EYA1: variants seen among roughly 807,000 people sequenced by gnomAD.
The protein encoded by EYA1 is protein phosphatase EYA1.
Under a neutral mutation model 82.0 loss-of-function variants are expected in EYA1, and 16 were observed. The observed-to-expected ratio is 0.20, with a 90% CI of 0.13 to 0.30. The LOEUF (loss-of-function observed/expected upper bound fraction) is 0.30, where lower values mean the gene tolerates loss of function less well. Among genes scored for constraint, EYA1 ranks in the 10% least tolerant of loss-of-function variants. The pLI is 1.00. For missense variants in EYA1, 633 were observed against 730.7 expected, an observed-to-expected ratio of 0.87 and a Z score of 1.54; for synonymous variants, 261 against 264.4, an observed-to-expected ratio of 0.99 and a Z score of 0.12.
chr8:71,431,475 CT>C (rs1805612046), intron 2 of EYA1, among the ~76,000 whole-genome samples: 1 of 152,294 alleles, frequency 6.6e-6, no homozygotes, highest in African/African-American at 2.4e-5. Flanking sequence ...AGGCATTACT[CT>C]GCCTAGTCCC....
intron 12 of EYA1, among the ~76,000 whole-genome samples, chr8:71,227,620 C>T (rs976914522): frequency 1.3e-5 from 2 of 152,066 alleles, no homozygotes; most frequent in Non-Finnish European, 2.9e-5. Context: ...ATATTTGTTT[C>T]GCTCATATAA....
chr8:71,496,745 T>G (rs569542367), intron 2 of EYA1, among the ~76,000 whole-genome samples: 1 of 152,292 alleles, frequency 6.6e-6, no homozygotes, highest in South Asian at 2.1e-4. Context: ...TGTCTTTACA[T>G]CTTCTACCAT....
intron 2 of EYA1, among the ~76,000 whole-genome samples, chr8:71,479,623 GAAAAAA>G (rs34377404): frequency 0.028 from 2,827 of 100,224 alleles, 95 homozygotes; most frequent in African/African-American, 0.086. Flanking sequence ...CTTTCTTTAT[GAAAAAA>G]AAAAAAAAAA....
At chr8:71,495,590 C>T (rs900100021) in intron 2 of EYA1, among the ~76,000 whole-genome samples, 8 of 151,954 alleles carry the variant, frequency 5.3e-5, no homozygotes, top group South Asian at 2.1e-4. Flanking sequence ...CTAGCCTGGG[C>T]GACAGACCAA....
chr8:71,349,275 C>A (rs901770359), intron 3 of EYA1, among the ~76,000 whole-genome samples: 3 of 152,188 alleles, frequency 2.0e-5, no homozygotes, highest in Non-Finnish European at 2.9e-5. Context: ...AAAGCCTCTG[C>A]CACTGGTTCT....
intron 1 of EYA1, among the ~76,000 whole-genome samples, chr8:71,361,415 T>G (rs191205741): frequency 6.6e-6 from 1 of 152,378 alleles, no homozygotes; most frequent in Non-Finnish European, 1.5e-5. Context: ...TAATTATTTC[T>G]TAATGATCCT....
At chr8:71,467,805 C>T (rs1036980743) in intron 2 of EYA1, among the ~76,000 whole-genome samples, 1 of 152,132 alleles carries the variant, frequency 6.6e-6, no homozygotes, top group African/African-American at 2.4e-5. Flanking sequence ...GATTTTCATA[C>T]ATTAGAACAT....
At chr8:71,405,524 T>C (rs921980807) in intron 2 of EYA1, among the ~76,000 whole-genome samples, 2 of 152,230 alleles carry the variant, frequency 1.3e-5, no homozygotes, top group African/African-American at 2.4e-5. Context: ...GGAAGTTGTT[T>C]ATTATCACTG....
At chr8:71,278,779 A>C (rs1450945126) in intron 9 of EYA1, among the ~76,000 whole-genome samples, 1 of 152,288 alleles carries the variant, frequency 6.6e-6, no homozygotes, top group Middle Eastern at 3.4e-3. Context: ...AAGTGTTCAC[A>C]TTTATTCTAA....
intron 4 of EYA1, 100 bp from the exon 5 acceptor site, chr8:71,322,368 T>G: frequency 9.7e-7 from 1 of 1,035,012 alleles, no homozygotes; most frequent in Middle Eastern, 2.0e-4. Context: ...GTTGGCCATA[T>G]GAAATTTCAG....
intron 3 of EYA1, among the ~76,000 whole-genome samples, chr8:71,348,166 G>A (rs530162880): frequency 1.3e-5 from 2 of 152,264 alleles, no homozygotes; most frequent in South Asian, 4.1e-4. Flanking sequence ...TGAAAGAGAG[G>A]AGAATGAATT....
Position 71,457,140 on chromosome 8 carries a change from G to A in EYA1, c.33+78604C>T, listed in dbSNP as rs191140930. ...CTTCTCAAAAGAAGACCTTTAGGCA[G>A]CCAACAGACACATGAAAAAATGCTC... On this transcript the variant is annotated intron_variant, in intron 2 of 18. Transcript: ENST00000643681. 2.5e-3 allele frequency among the ~76,000 whole-genome samples: 381 copies of A among 152,312 alleles called. 3 individuals are homozygous for A. The highest frequency in any genetic ancestry group is 8.9e-3 in the African/African-American group (371 of 41,560).
At chr8:71,231,009 C>G (rs1811126683) in intron 12 of EYA1, among the ~76,000 whole-genome samples, 1 of 152,228 alleles carries the variant, frequency 6.6e-6, no homozygotes, top group South Asian at 2.1e-4. Flanking sequence ...GGTTCAATAT[C>G]TCAAATCTGA....
chr8:71,319,767 A>C (rs1168940773), intron 6 of EYA1, among the ~76,000 whole-genome samples: 1 of 152,154 alleles, frequency 6.6e-6, no homozygotes, highest in Admixed American at 6.5e-5. Flanking sequence ...TCAGCAGTTA[A>C]AACCCAAGCT....
At chr8:71,523,502 C>T (rs754200186) in intron 2 of EYA1, among the ~76,000 whole-genome samples, 6 of 152,246 alleles carry the variant, frequency 3.9e-5, no homozygotes, top group Admixed American at 6.5e-5. Flanking sequence ...CTCTTATTGG[C>T]AGTGAAGGTG....
intron 2 of EYA1, among the ~76,000 whole-genome samples, chr8:71,511,315 G>C (rs982238917): frequency 6.6e-6 from 1 of 152,118 alleles, no homozygotes; most frequent in East Asian, 1.9e-4. Flanking sequence ...ACCAAAATTA[G>C]CCATGGTCCC....
At chr8:71,489,918 T>C (rs1226542297) in intron 2 of EYA1, among the ~76,000 whole-genome samples, 2 of 152,208 alleles carry the variant, frequency 1.3e-5, no homozygotes, top group Non-Finnish European at 2.9e-5. Flanking sequence ...GAGTGCAGCC[T>C]GCCCAGCTGC....
intron 16 of EYA1, among the ~76,000 whole-genome samples, chr8:71,212,271 T>TA (rs1221480147): frequency 3.9e-5 from 6 of 152,250 alleles, no homozygotes; most frequent in Non-Finnish European, 8.8e-5. Context: ...CTAAAATCTC[T>TA]AGTTTGCATC....
At chr8:71,335,290 C>T (rs1308135235) in intron 3 of EYA1, among the ~76,000 whole-genome samples, 3 of 152,122 alleles carry the variant, frequency 2.0e-5, no homozygotes, top group African/African-American at 7.2e-5. Flanking sequence ...GAAAATGCAG[C>T]TTTTCCTCCT....
Sources: allele counts gnomAD v4.1 joint callset (sites outside exome capture counted in the v4.1 genomes callset), GRCh38; gene constraint gnomAD v4.1.1; transcripts MANE v1.5; gene names NCBI Gene and HGNC (gene_info 2026-07-23, HGNC 2026-07-21).